The following SPAG16 variants were observed in gnomAD, a reference collection of about 807,000 sequenced individuals.
SPAG16 encodes sperm associated antigen 16.
In SPAG16, 86 loss-of-function variants were observed where a neutral mutation model predicts 80.4. That is an observed-to-expected ratio of 1.07 (90% CI 0.90 to 1.28). The LOEUF is 1.28. Among genes scored for constraint, SPAG16 ranks in the 50% most tolerant of loss-of-function variants. The pLI is 0.00. For missense variants in SPAG16, 870 were observed against 765.3 expected (o/e 1.14, Z -1.61); for synonymous variants, 294 against 265.9 (o/e 1.11, Z -1.03).
At chr2:214,330,192 G>A (rs1404036116) in intron 15 of SPAG16, among the ~76,000 whole-genome samples, 1 of 151,236 alleles carries the variant, frequency 6.6e-6, no homozygotes, top group Non-Finnish European at 1.5e-5. Flanking sequence ...CAGGAGAATA[G>A]CTTGAACCCG....
intron 10 of SPAG16, among the ~76,000 whole-genome samples, chr2:213,679,810 G>A (rs1040414758): frequency 6.6e-6 from 1 of 152,046 alleles, no homozygotes; most frequent in African/African-American, 2.4e-5. Flanking sequence ...GATGACAAAC[G>A]AAGGGTAAAG....
At chr2:213,563,889 G>T (rs2059675465) in intron 10 of SPAG16, among the ~76,000 whole-genome samples, 1 of 152,174 alleles carries the variant, frequency 6.6e-6, no homozygotes, top group South Asian at 2.1e-4. Context: ...CCCTGAATGA[G>T]TGTGCTGATT....
chr2:213,686,847 C>A (rs2064705827), intron 10 of SPAG16, among the ~76,000 whole-genome samples: 1 of 151,836 alleles, frequency 6.6e-6, no homozygotes, highest in Non-Finnish European at 1.5e-5. Flanking sequence ...CCACACCTGG[C>A]TAAGTTTTTG....
chr2:213,874,003 C>A (rs1377931079), intron 11 of SPAG16, among the ~76,000 whole-genome samples: 2 of 152,004 alleles, frequency 1.3e-5, no homozygotes, highest in African/African-American at 2.4e-5. Flanking sequence ...ATACCATATA[C>A]AATTGTAATA....
chr2:213,656,371 C>T (rs888950643), intron 10 of SPAG16, among the ~76,000 whole-genome samples: 4 of 152,134 alleles, frequency 2.6e-5, no homozygotes, highest in Non-Finnish European at 5.9e-5. Context: ...GGGGTTTCAC[C>T]GTGTTAGCCA....
Position 214,356,723 on chromosome 2 carries a change from T to A in SPAG16, c.1721-53417T>A, listed in dbSNP as rs543527404. ...TGCAAGAACCTATAAGCAATTTATC[T>A]CACGCCACAGTTTTCTCTCTTGGCT... On this transcript the variant is annotated intron_variant, in intron 15 of 15. Coordinates refer to ENST00000331683, the MANE Select transcript of SPAG16 (RefSeq NM_024532.5). 2.0e-5 allele frequency among the ~76,000 whole-genome samples: 3 copies of A among 152,116 alleles called. No individual in the cohort carries two copies. The East Asian group carries it at 5.8e-4, about 29-fold the overall frequency.
intron 10 of SPAG16, among the ~76,000 whole-genome samples, chr2:213,509,067 G>T (rs747096144): frequency 6.6e-6 from 1 of 151,592 alleles, no homozygotes; most frequent in Non-Finnish European, 1.5e-5. Context: ...TGCAATCTCG[G>T]CTCACTGCAG....
chr2:213,786,982 A>G (rs1352927467), intron 10 of SPAG16, among the ~76,000 whole-genome samples: 4 of 152,322 alleles, frequency 2.6e-5, no homozygotes, highest in African/African-American at 9.6e-5. Flanking sequence ...GTTATTTATT[A>G]GTAAAATTGA....
chr2:214,083,871 C>G (rs1285756290), intron 13 of SPAG16, among the ~76,000 whole-genome samples: 9 of 152,092 alleles, frequency 5.9e-5, no homozygotes, highest in East Asian at 1.9e-4. Context: ...CACTGTAATT[C>G]TTTTAAACTA....
intron 11 of SPAG16, among the ~76,000 whole-genome samples, chr2:213,920,515 A>T (rs2078168412): frequency 6.6e-6 from 1 of 152,168 alleles, no homozygotes; most frequent in Non-Finnish European, 1.5e-5. Flanking sequence ...CAGTGGGGGT[A>T]GGGAATAGGC....
chr2:214,303,014 AC>A (rs34304699), intron 15 of SPAG16, among the ~76,000 whole-genome samples: 70 of 152,158 alleles, frequency 4.6e-4, no homozygotes, highest in Non-Finnish European at 9.6e-4. Flanking sequence ...CTGTGTCATT[AC>A]CCATTATGTG....
intron 15 of SPAG16, among the ~76,000 whole-genome samples, chr2:214,230,532 T>C (rs1053334587): frequency 5.9e-5 from 9 of 152,150 alleles, no homozygotes; most frequent in African/African-American, 1.4e-4. Flanking sequence ...GGAAGAAATA[T>C]TATGATAGTT....
chr2:214,321,844 T>C (rs554645932), intron 15 of SPAG16, among the ~76,000 whole-genome samples: 7 of 152,322 alleles, frequency 4.6e-5, no homozygotes, highest in Admixed American at 4.6e-4. Context: ...AATAGGTATA[T>C]TGCCCAAATA....
chr2:213,669,455 A>C (rs892345826), intron 10 of SPAG16, among the ~76,000 whole-genome samples: 9 of 152,360 alleles, frequency 5.9e-5, no homozygotes, highest in Non-Finnish European at 1.2e-4. Flanking sequence ...CTCATTTTAA[A>C]AAAATGAGTT....
chr2:214,206,194 A>G (rs900686439), intron 15 of SPAG16, among the ~76,000 whole-genome samples: 5 of 152,030 alleles, frequency 3.3e-5, no homozygotes, highest in African/African-American at 1.2e-4. Context: ...ATATATATAT[A>G]TTGATATCTA....
chr2:213,703,278 G>T (rs1339614187), intron 10 of SPAG16, among the ~76,000 whole-genome samples: 2 of 152,268 alleles, frequency 1.3e-5, no homozygotes, highest in African/African-American at 2.4e-5. Flanking sequence ...ACTGATACAG[G>T]TTTGCTCAAA....
chr2:213,458,267 AG>A (rs2072152465), intron 9 of SPAG16, among the ~76,000 whole-genome samples: 1 of 152,088 alleles, frequency 6.6e-6, no homozygotes, highest in Admixed American at 6.6e-5. Context: ...TAAATGATGA[AG>A]ATTAAAAAAA....
chr2:214,288,153 G>A (rs1262425743), intron 15 of SPAG16, among the ~76,000 whole-genome samples: 3 of 147,006 alleles, frequency 2.0e-5, no homozygotes, highest in South Asian at 2.2e-4. Flanking sequence ...TAGCTCCCAC[G>A]TATGCATGAA....
chr2:213,411,551 A>G (rs183844455), intron 9 of SPAG16, among the ~76,000 whole-genome samples: 10 of 152,304 alleles, frequency 6.6e-5, no homozygotes, highest in African/African-American at 2.2e-4. Flanking sequence ...TTGTATCTTC[A>G]TCCCAAACAA....
Sources: gnomAD v4.1 joint callset for allele counts (sites outside exome capture counted in the v4.1 genomes callset) on GRCh38, gnomAD v4.1.1 for gene constraint, MANE v1.5 for transcripts, NCBI Gene and HGNC (gene_info 2026-07-23, HGNC 2026-07-21) for gene names.